Variants in AGBL1 observed in about 807,000 individuals in gnomAD.
AGBL1 encodes cytosolic carboxypeptidase 4.
AGBL1 carries 130 observed loss-of-function variants against 118.9 expected under a neutral mutation model. That is an observed-to-expected ratio of 1.09 (90% CI 0.95 to 1.26). The LOEUF (loss-of-function observed/expected upper bound fraction) is 1.26. AGBL1 is among the 50% of genes most tolerant of loss of function. The pLI, the probability that AGBL1 is intolerant of heterozygous loss-of-function variation, is 0.00. For synonymous variants in AGBL1, 555 were observed against 478.9 expected, an observed-to-expected ratio of 1.16 and a Z score of -2.08; for missense variants, 1,584 against 1,298.1, an observed-to-expected ratio of 1.22 and a Z score of -3.38.
chr15:86,117,121 A>C (rs1301104964), intron 1 of AGBL1, among the ~76,000 whole-genome samples: 1 of 151,798 alleles, frequency 6.6e-6, no homozygotes, highest in Non-Finnish European at 1.5e-5. Context: ...ATTCCTTTTT[A>C]CATAAAGAAA....
At chr15:86,192,141 T>C (rs1479437628) in intron 5 of AGBL1, among the ~76,000 whole-genome samples, 1 of 151,300 alleles carries the variant, frequency 6.6e-6, no homozygotes, top group East Asian at 1.9e-4. Context: ...CCCACACACA[T>C]GCACGCATGC....
At chr15:86,081,529 A>G (rs1236514265) in intron 1 of AGBL1, among the ~76,000 whole-genome samples, 1 of 152,186 alleles carries the variant, frequency 6.6e-6, no homozygotes, top group Non-Finnish European at 1.5e-5. Context: ...GACTCATTCT[A>G]TCTGATTCAT....
intron 3 of AGBL1, among the ~76,000 whole-genome samples, chr15:86,147,341 G>A (rs976449435): frequency 3.9e-5 from 6 of 152,208 alleles, no homozygotes; most frequent in Non-Finnish European, 5.9e-5. Context: ...AAGAGGTTGG[G>A]GGATTTCCCT....
At chr15:86,182,995 G>A (rs1287678210) in intron 5 of AGBL1, among the ~76,000 whole-genome samples, 4 of 152,172 alleles carry the variant, frequency 2.6e-5, no homozygotes, top group Non-Finnish European at 5.9e-5. Context: ...GTGTGTGTGT[G>A]ATTAAGAGCA....
At position 86,914,116 on chromosome 15, in the gene AGBL1, A is replaced by G. The variant is rs922539843; in HGVS notation, c.*6822A>G. 1 of 152,170 alleles carries G rather than the reference A, an allele frequency of 6.6e-6. No individual in the cohort carries two copies. Among genetic ancestry groups the G allele is most frequent in the Non-Finnish European group, 1.5e-5 (1 of 68,052 alleles). The allele number at this position is 152,170 out of a possible 1,614,324, so 9.4% of individuals were successfully genotyped here. The stretch of plus-strand genomic sequence containing the variant: ...AGGGCAAGACATGGCATTGAGTTCA[A>G]TTGTCTCTACTGGCTGTGGGACGGG... On this transcript the variant is annotated 3_prime_UTR_variant, in exon 23 of 23. Coordinates refer to ENST00000614907, the MANE Select transcript of AGBL1 (RefSeq NM_001386094.1).
At chr15:86,436,032 G>A (rs1251118821) in intron 18 of AGBL1, among the ~76,000 whole-genome samples, 1 of 150,296 alleles carries the variant, frequency 6.7e-6, no homozygotes, top group African/African-American at 2.4e-5. Context: ...CCCTAAGATG[G>A]TACTTCAGGG....
At chr15:86,280,507 C>G (rs1483211637) in intron 16 of AGBL1, among the ~76,000 whole-genome samples, 1 of 152,200 alleles carries the variant, frequency 6.6e-6, no homozygotes, top group Non-Finnish European at 1.5e-5. Context: ...AGCTGGCAAA[C>G]TAACCCTTAC....
At position 86,198,845 on chromosome 15, in the gene AGBL1, A is replaced by G. The variant is rs138755731; in HGVS notation, c.489-26069A>G. ...TAGACTGGTGGGAAAATAAATTTCT[A>G]TTGCTTAAGCCACCTAGTCTTGATA... On this transcript the variant is annotated intron_variant, in intron 5 of 22. Transcript: ENST00000614907. 5.2e-3 allele frequency among the ~76,000 whole-genome samples: 789 copies of G among 152,268 alleles called. 4 individuals carry two copies. The highest frequency in any genetic ancestry group is 0.012 in the African/African-American group (486 of 41,562).
chr15:86,954,304 C>T (rs2080908628), intron 23 of AGBL1, among the ~76,000 whole-genome samples: 1 of 152,080 alleles, frequency 6.6e-6, no homozygotes, highest in Non-Finnish European at 1.5e-5. Flanking sequence ...TGTATATATC[C>T]ACAGGAAAAT....
rs16978044 is a variant in AGBL1, at chr15:86,863,244, T to G, written c.3159-43843T>G. 8.7e-3 allele frequency among the ~76,000 whole-genome samples: 1,329 copies of G among 152,322 alleles called. 70 individuals are homozygous for G. In the East Asian group the frequency reaches 0.16, roughly 18 times the overall value. ...ATAAATGATTCCTATAAATAAGAAT[T>G]GCTCATAGATATTTCAGATGCTTCT... On this transcript the variant is annotated intron_variant, in intron 22 of 22. Coordinates refer to ENST00000614907, the MANE Select transcript of AGBL1 (RefSeq NM_001386094.1).
chr15:86,715,136 AC>A (rs1228834590), intron 22 of AGBL1, among the ~76,000 whole-genome samples: 1 of 152,160 alleles, frequency 6.6e-6, no homozygotes, highest in Non-Finnish European at 1.5e-5. Context: ...CAGCAACTTC[AC>A]TGATTTAAGC....
At chr15:86,196,558 A>T (rs2077805943) in intron 5 of AGBL1, among the ~76,000 whole-genome samples, 2 of 152,142 alleles carry the variant, frequency 1.3e-5, no homozygotes, top group Admixed American at 1.3e-4. Flanking sequence ...AAGCACCTGG[A>T]TACACATGGG....
chr15:86,713,783 T>A (rs1596396539), intron 22 of AGBL1, among the ~76,000 whole-genome samples: 1 of 151,180 alleles, frequency 6.6e-6, no homozygotes, highest in Non-Finnish European at 1.5e-5. Flanking sequence ...GGCTAGAGAG[T>A]GTATTTTTTT....
intron 22 of AGBL1, among the ~76,000 whole-genome samples, chr15:86,691,308 A>C (rs2086166249): frequency 6.6e-6 from 1 of 152,180 alleles, no homozygotes; most frequent in African/African-American, 2.4e-5. Flanking sequence ...TTGTGTAAGC[A>C]CTGAGAGCTT....
intron 22 of AGBL1, among the ~76,000 whole-genome samples, chr15:86,696,524 C>T (rs754100231): frequency 2.0e-5 from 3 of 151,260 alleles, no homozygotes; most frequent in Non-Finnish European, 3.0e-5. Flanking sequence ...GATACTTGGC[C>T]GGTGAATTCT....
chr15:86,420,139 G>A (rs1262010577), intron 18 of AGBL1, among the ~76,000 whole-genome samples: 1 of 152,210 alleles, frequency 6.6e-6, no homozygotes, highest in Non-Finnish European at 1.5e-5. Flanking sequence ...ACCTCTTCAA[G>A]TGGGTCCCTG....
At chr15:86,651,719 T>A (rs1243641693) in intron 21 of AGBL1, among the ~76,000 whole-genome samples, 1 of 152,190 alleles carries the variant, frequency 6.6e-6, no homozygotes, top group Non-Finnish European at 1.5e-5. Flanking sequence ...GCTAATAAGT[T>A]CCAACTACTG....
chr15:86,176,391 G>A (rs1340181340), intron 5 of AGBL1, among the ~76,000 whole-genome samples: 2 of 152,224 alleles, frequency 1.3e-5, no homozygotes, highest in African/African-American at 4.8e-5. Flanking sequence ...CATGTGCAGA[G>A]TGTCTGTGTC....
intron 23 of AGBL1, among the ~76,000 whole-genome samples, chr15:86,935,628 C>T (rs2080662109): frequency 6.6e-6 from 1 of 152,178 alleles, no homozygotes; most frequent in Admixed American, 6.5e-5. Flanking sequence ...TTCAGTTTCC[C>T]ATGCTCTACT....
Sources: allele counts gnomAD v4.1 joint callset (sites outside exome capture counted in the v4.1 genomes callset), GRCh38; gene constraint gnomAD v4.1.1; transcripts MANE v1.5; gene names NCBI Gene and HGNC (gene_info 2026-07-23, HGNC 2026-07-21).